Variants in SPAG16 observed in about 807,000 individuals in gnomAD.
SPAG16 encodes sperm-associated antigen 16 protein.
A neutral mutation model predicts 80.4 loss-of-function variants in SPAG16; 86 were observed. That is an observed-to-expected ratio of 1.07 (90% CI 0.90 to 1.28). The LOEUF (loss-of-function observed/expected upper bound fraction) is 1.28. Ranked by LOEUF, SPAG16 falls within the 50% of genes most tolerant of loss-of-function variation. The pLI is 0.00. For missense variants in SPAG16, 870 were observed against 765.3 expected, an observed-to-expected ratio of 1.14 and a Z score of -1.61; for synonymous variants, 294 against 265.9, an observed-to-expected ratio of 1.11 and a Z score of -1.03.
chr2:213,559,420 A>C (rs942584625), intron 10 of SPAG16, among the ~76,000 whole-genome samples: 3 of 152,144 alleles, frequency 2.0e-5, no homozygotes, highest in Admixed American at 6.6e-5. Context: ...AAACAAGAGG[A>C]AGGAGAAATC....
chr2:213,404,995 A>G (rs1464892545), intron 9 of SPAG16, among the ~76,000 whole-genome samples: 2 of 152,178 alleles, frequency 1.3e-5, no homozygotes, highest in South Asian at 2.1e-4. Context: ...ATTTGGCAAC[A>G]TACCCCAACA....
intron 8 of SPAG16, among the ~76,000 whole-genome samples, chr2:213,368,671 A>G (rs1035150917): frequency 2.6e-5 from 4 of 152,156 alleles, no homozygotes; most frequent in African/African-American, 9.7e-5. Context: ...AAACCCCATC[A>G]TCTCAGCCCA....
intron 15 of SPAG16, among the ~76,000 whole-genome samples, chr2:214,314,131 G>A (rs1462508614): frequency 6.6e-6 from 1 of 152,048 alleles, no homozygotes; most frequent in African/African-American, 2.4e-5. Context: ...CTGAAAATCA[G>A]CATGCACATG....
chr2:214,035,502 A>G (rs921271177), intron 13 of SPAG16, among the ~76,000 whole-genome samples: 1 of 152,212 alleles, frequency 6.6e-6, no homozygotes, highest in Non-Finnish European at 1.5e-5. Context: ...GAGGGGGCTG[A>G]GGCAACAGGG....
chr2:214,279,643 A>G (rs964713036), intron 15 of SPAG16, among the ~76,000 whole-genome samples: 5 of 152,230 alleles, frequency 3.3e-5, no homozygotes, highest in African/African-American at 1.2e-4. Context: ...GTACTCCTCA[A>G]GTATTCATCA....
intron 9 of SPAG16, chr2:213,396,768 C>A: frequency 2.5e-6 from 1 of 404,394 alleles, no homozygotes; most frequent in South Asian, 1.8e-5. Context: ...CTGGCTTGTT[C>A]TCCTCCAATC....
intron 10 of SPAG16, among the ~76,000 whole-genome samples, chr2:213,580,920 A>G (rs751726614): frequency 4.6e-5 from 7 of 151,780 alleles, no homozygotes; most frequent in African/African-American, 1.7e-4. Flanking sequence ...TTTTTTTACT[A>G]TTTAGAAATT....
intron 15 of SPAG16, among the ~76,000 whole-genome samples, chr2:214,291,374 C>T (rs1450569224): frequency 4.8e-5 from 6 of 123,820 alleles, no homozygotes; most frequent in African/African-American, 9.4e-5. Context: ...GGCGGGATCT[C>T]GGCTCACTGC....
intron 10 of SPAG16, among the ~76,000 whole-genome samples, chr2:213,532,786 G>A (rs2076117089): frequency 6.6e-6 from 1 of 152,002 alleles, no homozygotes; most frequent in Admixed American, 6.6e-5. Context: ...TCTAAAACTT[G>A]AATATGATTT....
At chr2:214,393,977 A>T (rs1701224681) in intron 15 of SPAG16, among the ~76,000 whole-genome samples, 1 of 152,224 alleles carries the variant, frequency 6.6e-6, no homozygotes, top group African/African-American at 2.4e-5. Context: ...TGGAGCAATT[A>T]TCTGGTGTAT....
At chr2:214,129,382 C>T (rs1048528231) in intron 14 of SPAG16, among the ~76,000 whole-genome samples, 1 of 152,098 alleles carries the variant, frequency 6.6e-6, no homozygotes, top group Non-Finnish European at 1.5e-5. Flanking sequence ...GATTATTGCC[C>T]TTTGTTACCT....
chr2:214,023,582 A>G (rs754196117), intron 13 of SPAG16, among the ~76,000 whole-genome samples: 3 of 151,832 alleles, frequency 2.0e-5, no homozygotes, highest in Non-Finnish European at 4.4e-5. Flanking sequence ...TTTTACTCAA[A>G]TAATCCAATT....
intron 13 of SPAG16, among the ~76,000 whole-genome samples, chr2:214,043,038 C>G (rs536337257): frequency 6.6e-6 from 1 of 151,746 alleles, no homozygotes; most frequent in Non-Finnish European, 1.5e-5. Context: ...TAAATAATGT[C>G]AAAAAAACTC....
intron 15 of SPAG16, among the ~76,000 whole-genome samples, chr2:214,328,377 G>A (rs1004473443): frequency 2.0e-5 from 3 of 152,030 alleles, no homozygotes; most frequent in Admixed American, 6.6e-5. Flanking sequence ...TGGCCAGGTC[G>A]GTCTCGAACT....
intron 10 of SPAG16, among the ~76,000 whole-genome samples, chr2:213,645,069 C>T (rs2062772196): frequency 6.6e-6 from 1 of 152,190 alleles, no homozygotes; most frequent in Non-Finnish European, 1.5e-5. Flanking sequence ...TCACTTGATG[C>T]AGTTCTTCCC....
At chr2:214,127,662 C>T (rs2054559178) in intron 14 of SPAG16, among the ~76,000 whole-genome samples, 1 of 151,748 alleles carries the variant, frequency 6.6e-6, no homozygotes, top group East Asian at 1.9e-4. Context: ...ACAAATTAGC[C>T]AGGATGATTC....
Position 213,862,643 on chromosome 2 carries a change from C to T in SPAG16, c.1214+15C>T, listed in dbSNP as rs2042792. The T allele has an allele frequency of 6.2e-7, 1 of 1,613,136 alleles. No individual in the cohort carries two copies. Among genetic ancestry groups the T allele is most frequent in the Non-Finnish European group, 8.5e-7 (1 of 1,179,546 alleles). ...TTCCATCCCAGGTCAGTGCACAGGA[C>T]CCCTAGAAATAGCCTAATCTCTCTA... is the stretch of plus-strand genomic sequence containing the variant. On this transcript the variant is annotated intron_variant, in intron 11 of 15. Coordinates refer to ENST00000331683, the MANE Select transcript of SPAG16 (RefSeq NM_024532.5).
At chr2:213,806,485 AT>A (rs905864312) in intron 10 of SPAG16, among the ~76,000 whole-genome samples, 81 of 152,298 alleles carry the variant, frequency 5.3e-4, no homozygotes, top group African/African-American at 1.7e-3. Context: ...AGATTTTGGA[AT>A]TAAATTAATC....
chr2:213,825,372 G>A (rs2073209255), intron 10 of SPAG16, among the ~76,000 whole-genome samples: 1 of 151,906 alleles, frequency 6.6e-6, no homozygotes, highest in South Asian at 2.1e-4. Flanking sequence ...TGTTGTATAT[G>A]GCTTTAATAT....
Sources: allele counts gnomAD v4.1 joint callset (sites outside exome capture counted in the v4.1 genomes callset), GRCh38; gene constraint gnomAD v4.1.1; transcripts MANE v1.5; gene names NCBI Gene and HGNC (gene_info 2026-07-23, HGNC 2026-07-21).